LINGO2: variants seen among roughly 807,000 people sequenced by gnomAD.
LINGO2 encodes leucine rich repeat and Ig domain containing 2, also known as leucine-rich repeat and immunoglobulin-like domain-containing nogo receptor-interacting protein 2.
Under a neutral mutation model 30.6 loss-of-function variants are expected in LINGO2, and 14 were observed. The ratio of observed to expected loss-of-function variants is 0.46; its 90% CI spans 0.30 to 0.72. The LOEUF (loss-of-function observed/expected upper bound fraction) is 0.72, where lower values mean the gene tolerates loss of function less well. Among genes scored for constraint, LINGO2 ranks in the 30% least tolerant of loss-of-function variants. The pLI is 0.07. For missense variants in LINGO2, 729 were observed against 751.7 expected (o/e 0.97, Z 0.35); for synonymous variants, 317 against 288.5 (o/e 1.10, Z -1.00).
At chr9:28,583,557 A>T (rs748741374) in intron 1 of LINGO2, among the ~76,000 whole-genome samples, 1 of 151,970 alleles carries the variant, frequency 6.6e-6, no homozygotes, top group African/African-American at 2.4e-5. Context: ...AATAATAGCA[A>T]TTTTTTCAGA....
chr9:28,801,210 G>C, the LINGO2 span, among the ~76,000 whole-genome samples: 1 of 152,076 alleles, frequency 6.6e-6, no homozygotes, highest in East Asian at 1.9e-4. Context: ...GTGAGGCTTA[G>C]AGATTTATAA....
chr9:28,166,595 C>A (rs1232557180), intron 4 of LINGO2, among the ~76,000 whole-genome samples: 2 of 151,868 alleles, frequency 1.3e-5, no homozygotes, highest in Non-Finnish European at 2.9e-5. Context: ...ATCAAATGCA[C>A]AAAAAGATTT....
At chr9:28,903,774 T>G in the LINGO2 span, among the ~76,000 whole-genome samples, 1 of 152,150 alleles carries the variant, frequency 6.6e-6, no homozygotes, top group Non-Finnish European at 1.5e-5. Flanking sequence ...CCACCATGCT[T>G]GGCCCTATCT....
chr9:29,017,176 G>C, the LINGO2 span, among the ~76,000 whole-genome samples: 12 of 42,900 alleles, frequency 2.8e-4, no homozygotes, highest in African/African-American at 7.2e-4. Flanking sequence ...ATCATACTAT[G>C]TAATTAAGGA....
chr9:28,755,933 T>C, the LINGO2 span, among the ~76,000 whole-genome samples: 1 of 152,064 alleles, frequency 6.6e-6, no homozygotes, highest in African/African-American at 2.4e-5. Context: ...TGAAATGTCT[T>C]GATTATCAGG....
intron 1 of LINGO2, among the ~76,000 whole-genome samples, chr9:28,535,985 T>C (rs1264960167): frequency 1.3e-5 from 2 of 152,312 alleles, no homozygotes; most frequent in East Asian, 1.9e-4. Flanking sequence ...GAGATCATCA[T>C]TGGATAGACA....
chr9:28,204,038 G>A (rs1820327067), intron 4 of LINGO2, among the ~76,000 whole-genome samples: 2 of 152,092 alleles, frequency 1.3e-5, no homozygotes, highest in South Asian at 4.1e-4. Context: ...GACACTGAAC[G>A]TTTTTATTGA....
the LINGO2 span, among the ~76,000 whole-genome samples, chr9:29,116,306 A>G: frequency 6.6e-6 from 1 of 152,066 alleles, no homozygotes; most frequent in South Asian, 2.1e-4. Flanking sequence ...GCTAAGATTT[A>G]TTATCACTAA....
At chr9:28,625,252 G>C (rs113344107) in intron 1 of LINGO2, among the ~76,000 whole-genome samples, 3 of 152,054 alleles carry the variant, frequency 2.0e-5, no homozygotes, top group Admixed American at 6.6e-5. Context: ...TACTTTCTGC[G>C]TGACAGGATA....
the LINGO2 span, among the ~76,000 whole-genome samples, chr9:28,928,287 G>A: frequency 2.0e-5 from 3 of 152,068 alleles, no homozygotes; most frequent in African/African-American, 7.2e-5. Flanking sequence ...ATATACACAT[G>A]CAAAGGTAAT....
the LINGO2 span, among the ~76,000 whole-genome samples, chr9:29,126,293 C>G: frequency 9.9e-5 from 15 of 152,176 alleles, no homozygotes; most frequent in Admixed American, 7.2e-4. Context: ...CTGCCACTAA[C>G]CAGATGTGTG....
chr9:28,287,179 A>G (rs1823542906), intron 4 of LINGO2, among the ~76,000 whole-genome samples: 1 of 152,226 alleles, frequency 6.6e-6, no homozygotes, highest in Non-Finnish European at 1.5e-5. Flanking sequence ...TCAGAACATA[A>G]GAGAACTTCT....
chr9:29,133,473 G>T, the LINGO2 span, among the ~76,000 whole-genome samples: 1 of 152,068 alleles, frequency 6.6e-6, no homozygotes, highest in East Asian at 1.9e-4. Context: ...GTCCTAAAAA[G>T]AATTATTAGA....
rs555124112 is a variant in LINGO2, at chr9:28,550,468, C to A, written c.-364-74443G>T. Among the ~76,000 whole-genome samples, 3 of 151,868 alleles carry A rather than the reference C, an allele frequency of 2.0e-5. No individual in the cohort carries two copies. The East Asian group carries it at 5.8e-4, about 29-fold the overall frequency. On this transcript the variant is annotated intron_variant, in intron 1 of 5. Transcript: ENST00000379992. ...TTAGTTCTATATAATTATTTCCAAGCATGCCTTCTTTTGTCTACTTTTAAT... is the reference window on the plus strand; with the variant it reads ...TTAGTTCTATATAATTATTTCCAAGAATGCCTTCTTTTGTCTACTTTTAAT...
At chr9:28,569,854 T>C (rs1215032098) in intron 1 of LINGO2, among the ~76,000 whole-genome samples, 1 of 152,008 alleles carries the variant, frequency 6.6e-6, no homozygotes, top group Non-Finnish European at 1.5e-5. Flanking sequence ...ATTGTGGTAA[T>C]CATTTCACAA....
chr9:28,142,845 C>G (rs1367519805), intron 4 of LINGO2, among the ~76,000 whole-genome samples: 2 of 152,014 alleles, frequency 1.3e-5, no homozygotes, highest in Non-Finnish European at 2.9e-5. Flanking sequence ...GTTTGTTTTG[C>G]CTGTTTATGA....
chr9:28,476,393 A>G (rs1825729375), intron 1 of LINGO2, among the ~76,000 whole-genome samples: 1 of 152,114 alleles, frequency 6.6e-6, no homozygotes, highest in Non-Finnish European at 1.5e-5. Context: ...CTCCTGCCTC[A>G]GCCTCCCGAG....
chr9:28,834,481 A>C, the LINGO2 span, among the ~76,000 whole-genome samples: 1 of 152,174 alleles, frequency 6.6e-6, no homozygotes, highest in Non-Finnish European at 1.5e-5. Flanking sequence ...ATGTGTGTTA[A>C]ACTGACTTCG....
At chr9:28,842,143 A>C in the LINGO2 span, among the ~76,000 whole-genome samples, 1 of 151,882 alleles carries the variant, frequency 6.6e-6, no homozygotes, top group Admixed American at 6.5e-5. Context: ...CAGTGAAAAA[A>C]TATTCGTTCC....
Sources: gnomAD v4.1 joint callset for allele counts (sites outside exome capture counted in the v4.1 genomes callset) on GRCh38, gnomAD v4.1.1 for gene constraint, MANE v1.5 for transcripts, NCBI Gene and HGNC (gene_info 2026-07-23, HGNC 2026-07-21) for gene names.